BICC1: variants seen among roughly 807,000 people sequenced by gnomAD.
BICC1 encodes BicC family RNA binding protein 1.
A neutral mutation model predicts 111.0 loss-of-function variants in BICC1; 43 were observed. The observed-to-expected ratio is 0.39, with a 90% CI of 0.30 to 0.50. The LOEUF is 0.50. BICC1 is among the 20% of genes least tolerant of loss of function. BICC1 has a pLI of 0.88. For synonymous variants in BICC1, 467 were observed against 434.4 expected, an observed-to-expected ratio of 1.07 and a Z score of -0.93; for missense variants, 1,091 against 1,203.2, an observed-to-expected ratio of 0.91 and a Z score of 1.38.
chr10:58,640,426 T>G (rs980976882), intron 2 of BICC1, among the ~76,000 whole-genome samples: 2 of 152,216 alleles, frequency 1.3e-5, no homozygotes, highest in Admixed American at 1.3e-4. Flanking sequence ...TTGTGGCTTT[T>G]TTACATGCAA....
At chr10:58,576,368 C>T (rs574027621) in intron 1 of BICC1, among the ~76,000 whole-genome samples, 1 of 152,310 alleles carries the variant, frequency 6.6e-6, no homozygotes, top group African/African-American at 2.4e-5. Flanking sequence ...TTTCATTCCA[C>T]ATGCATACAA....
chr10:58,809,338 A>AT (rs1384091037), intron 17 of BICC1, among the ~76,000 whole-genome samples: 1 of 151,452 alleles, frequency 6.6e-6, no homozygotes, highest in East Asian at 1.9e-4. Flanking sequence ...AGTTTTTTAC[A>AT]TTTTTTTCAT....
chr10:58,599,435 G>C (rs1279912364), intron 1 of BICC1, among the ~76,000 whole-genome samples: 1 of 152,134 alleles, frequency 6.6e-6, no homozygotes, highest in Non-Finnish European at 1.5e-5. Flanking sequence ...TCACTCATAA[G>C]TGGGAGTTGG....
intron 1 of BICC1, among the ~76,000 whole-genome samples, chr10:58,599,091 G>T (rs1373058309): frequency 6.6e-6 from 1 of 152,144 alleles, no homozygotes; most frequent in Non-Finnish European, 1.5e-5. Flanking sequence ...AGACAGTGTA[G>T]CAATTCCTCA....
At chr10:58,532,903 A>T (rs928960225) in intron 1 of BICC1, among the ~76,000 whole-genome samples, 2 of 151,832 alleles carry the variant, frequency 1.3e-5, no homozygotes, top group Admixed American at 1.3e-4. Flanking sequence ...TTGCCAGTAC[A>T]ATCCTGAAGA....
At chr10:58,598,990 AAGTC>A (rs1460133951) in intron 1 of BICC1, among the ~76,000 whole-genome samples, 2 of 152,234 alleles carry the variant, frequency 1.3e-5, no homozygotes, top group African/African-American at 4.8e-5. Flanking sequence ...GATCGTTAAA[AAGTC>A]AGGCAACAAC....
chr10:58,728,295 T>G (rs1589070076), intron 3 of BICC1, among the ~76,000 whole-genome samples: 1 of 152,240 alleles, frequency 6.6e-6, no homozygotes, highest in Non-Finnish European at 1.5e-5. Flanking sequence ...GTATTATACA[T>G]TTTTGGTTTT....
chr10:58,739,150 C>A (rs553191824), intron 3 of BICC1, among the ~76,000 whole-genome samples: 1 of 152,262 alleles, frequency 6.6e-6, no homozygotes, highest in South Asian at 2.1e-4. Flanking sequence ...AGAGGGCATC[C>A]CTGTCTTGTG....
At chr10:58,702,806 A>G (rs1307415424) in intron 3 of BICC1, among the ~76,000 whole-genome samples, 2 of 152,212 alleles carry the variant, frequency 1.3e-5, no homozygotes, top group Non-Finnish European at 2.9e-5. Flanking sequence ...AACTTTGTGG[A>G]GTATATTTCA....
intron 2 of BICC1, among the ~76,000 whole-genome samples, chr10:58,627,944 T>TA (rs1325295654): frequency 3.9e-5 from 6 of 152,202 alleles, no homozygotes; most frequent in Non-Finnish European, 8.8e-5. Context: ...ATGTAGGCAT[T>TA]AAAAATCATA....
chr10:58,825,333 A>C (rs1844363935), intron 20 of BICC1, among the ~76,000 whole-genome samples: 1 of 152,106 alleles, frequency 6.6e-6, no homozygotes, highest in Admixed American at 6.6e-5. Flanking sequence ...TATTGAAAAT[A>C]TTTTTGGAGA....
rs1474967250 is a variant in BICC1, at chr10:58,800,191, T to C, written c.1726-3T>C. 2 of 1,584,940 alleles carry C rather than the reference T, an allele frequency of 1.3e-6. No individual in the cohort carries two copies. The highest frequency in any genetic ancestry group is 1.7e-6 in the Non-Finnish European group (2 of 1,157,174). On this transcript the variant is annotated splice_region_variant and splice_polypyrimidine_tract_variant and intron_variant, in intron 12 of 20. Transcript: ENST00000373886. ...TATACATTATTTTCTATTATTATTT[T>C]AGTCTCCAGATATAAAATATGGTGC...
intron 2 of BICC1, among the ~76,000 whole-genome samples, chr10:58,638,880 CTCTTCTCTTTT>C (rs1838033530): frequency 6.9e-6 from 1 of 145,260 alleles, no homozygotes; most frequent in Non-Finnish European, 1.5e-5. Context: ...TCTCTTTTTT[CTCTTCTCTTTT>C]TTCTTTTCTT....
chr10:58,571,371 T>C (rs371325892), intron 1 of BICC1, among the ~76,000 whole-genome samples: 2 of 151,480 alleles, frequency 1.3e-5, no homozygotes, highest in Non-Finnish European at 2.9e-5. Context: ...ATGTGCAGGA[T>C]GCACAGGTTT....
At chr10:58,795,904 T>C (rs933927556) in intron 9 of BICC1, among the ~76,000 whole-genome samples, 3 of 152,152 alleles carry the variant, frequency 2.0e-5, no homozygotes, top group African/African-American at 4.8e-5. Flanking sequence ...ATTTGGTATG[T>C]AATGACAAGA....
intron 3 of BICC1, among the ~76,000 whole-genome samples, chr10:58,709,683 T>A (rs944698001): frequency 6.6e-6 from 1 of 152,242 alleles, no homozygotes; most frequent in African/African-American, 2.4e-5. Flanking sequence ...CCTTCCCAGA[T>A]GAGTGATAAT....
At chr10:58,689,288 A>AGAAAGCTTCATTCTC (rs1404765545) in intron 2 of BICC1, among the ~76,000 whole-genome samples, 2 of 152,200 alleles carry the variant, frequency 1.3e-5, no homozygotes, top group Non-Finnish European at 2.9e-5. Flanking sequence ...TTACAAAGCC[A>AGAAAGCTTCATTCTC]GAAAGCTTCA....
intron 2 of BICC1, among the ~76,000 whole-genome samples, chr10:58,623,441 G>GT (rs1207066089): frequency 6.6e-6 from 1 of 152,114 alleles, no homozygotes; most frequent in African/African-American, 2.4e-5. Context: ...TCTATACACT[G>GT]TTTTGCTGCA....
At chr10:58,690,814 A>G (rs1362166355) in intron 2 of BICC1, among the ~76,000 whole-genome samples, 1 of 152,032 alleles carries the variant, frequency 6.6e-6, no homozygotes, top group Non-Finnish European at 1.5e-5. Context: ...GTTGAGTAGT[A>G]AAATGTATTC....
Sources: allele counts gnomAD v4.1 joint callset (sites outside exome capture counted in the v4.1 genomes callset), GRCh38; gene constraint gnomAD v4.1.1; transcripts MANE v1.5; gene names NCBI Gene and HGNC (gene_info 2026-07-23, HGNC 2026-07-21).